PARD3B: variants seen among roughly 807,000 people sequenced by gnomAD.
PARD3B encodes the protein partitioning defective 3 homolog B.
A neutral mutation model predicts 130.2 loss-of-function variants in PARD3B; 103 were observed. The ratio of observed to expected loss-of-function variants is 0.79; its 90% confidence interval spans 0.67 to 0.93. The LOEUF (loss-of-function observed/expected upper bound fraction) is 0.93. Among genes scored for constraint, PARD3B ranks in the 40% least tolerant of loss-of-function variants. PARD3B has a pLI of 0.00. For synonymous variants in PARD3B, 583 were observed against 553.2 expected (o/e 1.05, Z -0.76); for missense variants, 1,609 against 1,499.2 (o/e 1.07, Z -1.21).
intron 2 of PARD3B, among the ~76,000 whole-genome samples, chr2:204,802,742 C>T (rs1394705772): frequency 6.6e-6 from 1 of 152,032 alleles, no homozygotes; most frequent in Non-Finnish European, 1.5e-5. Context: ...AACACAGGAA[C>T]AGAAAACCAA....
At chr2:204,804,594 A>G (rs2042697334) in intron 2 of PARD3B, among the ~76,000 whole-genome samples, 1 of 152,224 alleles carries the variant, frequency 6.6e-6, no homozygotes, top group African/African-American at 2.4e-5. Context: ...CAGAGTATCA[A>G]CAAAGAAACA....
At chr2:204,985,709 G>A (rs1423346895) in intron 3 of PARD3B, among the ~76,000 whole-genome samples, 1 of 152,164 alleles carries the variant, frequency 6.6e-6, no homozygotes, top group Non-Finnish European at 1.5e-5. Context: ...GAAGCCCCGT[G>A]TACCAAGCTG....
In PARD3B at chr2:205,517,789, T is replaced by G. The variant is rs147692698; in HGVS notation, c.3180+17758T>G. On this transcript the variant is annotated intron_variant, in intron 21 of 22. Transcript: ENST00000406610. Reference sequence around the variant, plus strand: ...AGAGATTCTGGTATGTTGTGTTTTGTTCTCATTAGTTTTAAAGAACTTTTT... The same window carrying G: ...AGAGATTCTGGTATGTTGTGTTTTGGTCTCATTAGTTTTAAAGAACTTTTT... Among the ~76,000 whole-genome samples the G allele has an allele frequency of 9.3e-4, 142 of 152,324 alleles. 1 individual carries two copies. Among genetic ancestry groups the G allele is most frequent in the Middle Eastern group, 3.4e-3 (1 of 294 alleles).
chr2:204,933,718 A>G (rs920757592), intron 2 of PARD3B, among the ~76,000 whole-genome samples: 8 of 152,200 alleles, frequency 5.3e-5, no homozygotes, highest in South Asian at 2.1e-4. Flanking sequence ...TACATTGTTA[A>G]GTTTTCCAGG....
chr2:205,538,192 A>G (rs2051949492), intron 21 of PARD3B, among the ~76,000 whole-genome samples: 1 of 152,240 alleles, frequency 6.6e-6, no homozygotes. Flanking sequence ...AGTCTAGGTA[A>G]GTATTATTTA....
At chr2:204,635,595 G>A (rs2034848036) in intron 1 of PARD3B, among the ~76,000 whole-genome samples, 1 of 152,128 alleles carries the variant, frequency 6.6e-6, no homozygotes, top group Non-Finnish European at 1.5e-5. Flanking sequence ...ATGTTGACAG[G>A]AAGCTTCAAA....
intron 2 of PARD3B, among the ~76,000 whole-genome samples, chr2:204,953,092 A>G (rs1415712834): frequency 1.4e-5 from 1 of 69,004 alleles, no homozygotes; most frequent in Non-Finnish European, 2.7e-5. Flanking sequence ...AGAGAGACAG[A>G]GTCAATGTCA....
In PARD3B at chr2:204,827,984, G is replaced by A. The variant is rs146908585; in HGVS notation, c.223-137168G>A. On this transcript the variant is annotated intron_variant, in intron 2 of 22. Coordinates refer to ENST00000406610, the MANE Select transcript of PARD3B (RefSeq NM_001302769.2). ...CAAAATAGAATCTGGGAGGTGGGCG[G>A]TTGTAACTCAAAGATTAGCCTAATC... Among the ~76,000 whole-genome samples the A allele has an allele frequency of 3.1e-3, 478 of 152,280 alleles. 3 individuals are homozygous for A. Among genetic ancestry groups the A allele is most frequent in the African/African-American group, 0.011 (450 of 41,538 alleles).
In PARD3B at chr2:205,404,467, C is replaced by G. The variant is rs578187795; in HGVS notation, c.2741+3344C>G. ...ATCCCCCATGGATACCAAGTGACAA[C>G]TCTCTTTGAACACTTGATATCCAAA... On this transcript the variant is annotated intron_variant, in intron 19 of 22. Coordinates refer to ENST00000406610, the MANE Select transcript of PARD3B (RefSeq NM_001302769.2). 3.9e-5 allele frequency among the ~76,000 whole-genome samples: 6 copies of G among 152,338 alleles called. No individual in the cohort carries two copies. The East Asian group carries it at 1.2e-3, about 29-fold the overall frequency.
intron 2 of PARD3B, among the ~76,000 whole-genome samples, chr2:204,811,949 A>T (rs763143410): frequency 7.9e-5 from 12 of 152,130 alleles, no homozygotes; most frequent in Non-Finnish European, 1.6e-4. Context: ...TTTTTAACAT[A>T]TGTATATACC....
intron 3 of PARD3B, among the ~76,000 whole-genome samples, chr2:205,013,697 A>G (rs1288773091): frequency 6.6e-6 from 1 of 152,210 alleles, no homozygotes; most frequent in Non-Finnish European, 1.5e-5. Context: ...CTGCTTCTTG[A>G]GGGCTCACTG....
chr2:205,197,655 T>A (rs951719907), intron 15 of PARD3B, among the ~76,000 whole-genome samples: 1 of 152,232 alleles, frequency 6.6e-6, no homozygotes, highest in Non-Finnish European at 1.5e-5. Flanking sequence ...AAAGGAAATT[T>A]GTTTTTAAAT....
intron 3 of PARD3B, among the ~76,000 whole-genome samples, chr2:205,016,069 A>G (rs890563625): frequency 2.0e-5 from 3 of 152,230 alleles, no homozygotes; most frequent in East Asian, 1.9e-4. Context: ...CCAAACCACT[A>G]TCATCTCTGT....
rs994858788 is a variant in PARD3B, at chr2:205,405,807, A to G, written c.2741+4684A>G. On this transcript the variant is annotated intron_variant, in intron 19 of 22. Transcript: ENST00000406610. The surrounding 1 kb of genome is among the most constrained non-coding windows in gnomAD (Gnocchi z 4.1). ...ATGTAAAGTCTTGCATTTAGGTCCA[A>G]AAATGAACTACACATACACAGGATG... Among the ~76,000 whole-genome samples the G allele has an allele frequency of 2.0e-5, 3 of 152,230 alleles. No homozygotes were observed. The highest frequency in any genetic ancestry group is 4.4e-5 in the Non-Finnish European group (3 of 68,042).
chr2:205,259,275 C>T (rs1479837362), intron 16 of PARD3B, among the ~76,000 whole-genome samples: 1 of 152,170 alleles, frequency 6.6e-6, no homozygotes, highest in East Asian at 1.9e-4. Flanking sequence ...GCCTTCCAGA[C>T]ATTCTTTAAT....
At chr2:204,754,336 A>G (rs1191028473) in intron 2 of PARD3B, among the ~76,000 whole-genome samples, 1 of 151,750 alleles carries the variant, frequency 6.6e-6, no homozygotes, top group Non-Finnish European at 1.5e-5. Context: ...AATAATTATA[A>G]GAAGCAATAA....
chr2:205,176,573 G>C lies in PARD3B; in HGVS notation c.1920G>C (p.Gln640His). ...GCACTTGCAGTCCACAAGACAAACA[G>C]AAAGGTAAGAGTCTATTCATTTTAT... ...PLGTCSPQDK[Q>H]KGLLLPNDGW... Residue 640 changes from glutamine (Q) to histidine (H), a missense_variant, in exon 13 of 23, where the codon CAG becomes CAC. Coordinates refer to ENST00000406610, the MANE Select transcript of PARD3B (RefSeq NM_001302769.2). This position sits in a 1 kb window ranked among gnomAD's most constrained non-coding sequence, Gnocchi z 5.3. 1 of 1,600,316 alleles carries C rather than the reference G, an allele frequency of 6.2e-7. No homozygotes were observed. Among genetic ancestry groups the C allele is most frequent in the South Asian group, 1.1e-5 (1 of 89,228 alleles).
At chr2:205,152,244 T>G (rs771520346) in intron 10 of PARD3B, among the ~76,000 whole-genome samples, 11 of 152,178 alleles carry the variant, frequency 7.2e-5, no homozygotes, top group Non-Finnish European at 1.3e-4. Context: ...GTTTTGGAGT[T>G]GCTCTTCTCA....
At chr2:205,124,579 A>G in intron 9 of PARD3B, 113 bp downstream of exon 9, 3 of 757,034 alleles carry the variant, frequency 4.0e-6, no homozygotes, top group Non-Finnish European at 3.5e-6. Flanking sequence ...TGAACCTAAT[A>G]TATATTAAAA....
Sources: allele counts gnomAD v4.1 joint callset (sites outside exome capture counted in the v4.1 genomes callset), GRCh38; gene constraint gnomAD v4.1.1; non-coding constraint Gnocchi (gnomAD v3.1); transcripts MANE v1.5; gene names NCBI Gene and HGNC (gene_info 2026-07-23, HGNC 2026-07-21).